MACROD2: variants seen among roughly 807,000 people sequenced by gnomAD.
MACROD2 encodes the protein mono-ADP ribosylhydrolase 2.
A neutral mutation model predicts 70.4 loss-of-function variants in MACROD2; 36 were observed. The observed-to-expected ratio is 0.51, with a 90% CI of 0.39 to 0.68. The LOEUF (loss-of-function observed/expected upper bound fraction) is 0.68, where lower values mean the gene tolerates loss of function less well. Ranked by LOEUF, MACROD2 falls within the 30% of genes least tolerant of loss-of-function variation. The pLI is 0.00. For synonymous variants in MACROD2, 172 were observed against 178.8 expected, an observed-to-expected ratio of 0.96 and a Z score of 0.30; for missense variants, 496 against 538.4, an observed-to-expected ratio of 0.92 and a Z score of 0.78.
rs565723880 is a variant in MACROD2, at chr20:15,750,223, A to T, written c.646-112522A>T. Among the ~76,000 whole-genome samples, 9 of 152,178 alleles carry T rather than the reference A, an allele frequency of 5.9e-5. No individual in the cohort carries two copies. In the South Asian group the frequency reaches 1.9e-3, roughly 32 times the overall value. On this transcript the variant is annotated intron_variant, in intron 8 of 17. Coordinates refer to ENST00000684519, the MANE Select transcript of MACROD2 (RefSeq NM_001351661.2). ...GACATTCCTTAAAAGAAGGCATTCAAATAGCCAATAGGTACATGAAAAAGT... is the reference window on the plus strand; with the variant it reads ...GACATTCCTTAAAAGAAGGCATTCATATAGCCAATAGGTACATGAAAAAGT...
chr20:15,531,453 C>G (rs2047800145), intron 8 of MACROD2, among the ~76,000 whole-genome samples: 1 of 151,944 alleles, frequency 6.6e-6, no homozygotes, highest in Non-Finnish European at 1.5e-5. Context: ...ACACCTGTGT[C>G]ACCTCTAAGA....
intron 5 of MACROD2, among the ~76,000 whole-genome samples, chr20:15,079,197 T>A (rs1467453192): frequency 2.9e-5 from 2 of 69,272 alleles, no homozygotes; most frequent in African/African-American, 4.2e-5. Context: ...CCATCTAGAG[T>A]TAACATTTTT....
intron 6 of MACROD2, among the ~76,000 whole-genome samples, chr20:15,362,469 A>C (rs575193919): frequency 6.6e-6 from 1 of 152,088 alleles, no homozygotes; most frequent in Admixed American, 6.5e-5. Flanking sequence ...GTTCTCCTCT[A>C]TATTCAGTTT....
intron 3 of MACROD2, among the ~76,000 whole-genome samples, chr20:14,409,523 C>G (rs530247468): frequency 6.6e-6 from 1 of 151,972 alleles, no homozygotes; most frequent in Non-Finnish European, 1.5e-5. Flanking sequence ...GCCAAGTAAC[C>G]ATCGATGATG....
chr20:15,102,210 A>T (rs1279934926), intron 5 of MACROD2, among the ~76,000 whole-genome samples: 4 of 152,026 alleles, frequency 2.6e-5, no homozygotes, highest in Non-Finnish European at 5.9e-5. Context: ...CAAATAAAGG[A>T]AAAACGTTCG....
At chr20:14,941,505 C>G (rs1168279621) in intron 5 of MACROD2, among the ~76,000 whole-genome samples, 1 of 152,112 alleles carries the variant, frequency 6.6e-6, no homozygotes, top group Non-Finnish European at 1.5e-5. Flanking sequence ...TTTCTGCACA[C>G]TTGATGCCAG....
At chr20:14,608,366 C>G (rs1982948648) in intron 4 of MACROD2, among the ~76,000 whole-genome samples, 1 of 152,090 alleles carries the variant, frequency 6.6e-6, no homozygotes, top group Non-Finnish European at 1.5e-5. Flanking sequence ...TCTTTTGGCC[C>G]ATAAGTTTTA....
At chr20:15,118,195 A>AT (rs140809606) in intron 5 of MACROD2, among the ~76,000 whole-genome samples, 49,043 of 113,596 alleles carry the variant, frequency 0.43, 9,480 homozygotes, top group African/African-American at 0.54. Context: ...TTTAATTTTA[A>AT]ATTTTTTTTT....
chr20:15,515,385 CA>C (rs2047553633), intron 8 of MACROD2, among the ~76,000 whole-genome samples: 1 of 152,186 alleles, frequency 6.6e-6, no homozygotes, highest in Non-Finnish European at 1.5e-5. Flanking sequence ...GCCTTTGTTG[CA>C]AACACATGGC....
intron 3 of MACROD2, among the ~76,000 whole-genome samples, chr20:14,131,297 C>T (rs976335995): frequency 6.6e-6 from 1 of 151,958 alleles, no homozygotes; most frequent in Non-Finnish European, 1.5e-5. Context: ...AAACATGTTA[C>T]AAATGAAATT....
intron 15 of MACROD2, among the ~76,000 whole-genome samples, chr20:16,000,921 C>T (rs1296350010): frequency 6.6e-6 from 1 of 152,180 alleles, no homozygotes. Context: ...GGAATAGAGG[C>T]TCAACATTTA....
intron 8 of MACROD2, among the ~76,000 whole-genome samples, chr20:15,677,500 C>T (rs998203940): frequency 1.1e-4 from 17 of 152,098 alleles, no homozygotes; most frequent in Admixed American, 2.0e-4. Flanking sequence ...GCTGGGGCAC[C>T]GTGCCTGCTC....
At chr20:14,675,338 A>G (rs2070846577) in intron 4 of MACROD2, among the ~76,000 whole-genome samples, 1 of 152,220 alleles carries the variant, frequency 6.6e-6, no homozygotes, top group Admixed American at 6.5e-5. Flanking sequence ...GAAGCCCATC[A>G]GACTAACAGC....
At chr20:14,176,409 A>G (rs1325603863) in intron 3 of MACROD2, among the ~76,000 whole-genome samples, 2 of 152,232 alleles carry the variant, frequency 1.3e-5, no homozygotes, top group African/African-American at 2.4e-5. Context: ...GATAACTTCT[A>G]CAGATACATA....
chr20:15,676,906 A>G (rs1306810046), intron 8 of MACROD2, among the ~76,000 whole-genome samples: 1 of 152,186 alleles, frequency 6.6e-6, no homozygotes, highest in Non-Finnish European at 1.5e-5. Context: ...GGCAACAACA[A>G]CAACACGTAC....
At chr20:14,830,634 A>G (rs1702956318) in intron 5 of MACROD2, among the ~76,000 whole-genome samples, 1 of 152,154 alleles carries the variant, frequency 6.6e-6, no homozygotes, top group Non-Finnish European at 1.5e-5. Flanking sequence ...GAGAAACCAT[A>G]TTCAAAATGT....
intron 3 of MACROD2, among the ~76,000 whole-genome samples, chr20:14,474,275 G>T (rs1044149129): frequency 5.3e-5 from 8 of 151,994 alleles, no homozygotes; most frequent in Non-Finnish European, 7.4e-5. Flanking sequence ...TGAAGTGTTT[G>T]TTTTCTTCTA....
At chr20:14,215,232 A>G (rs1041896877) in intron 3 of MACROD2, among the ~76,000 whole-genome samples, 2 of 150,650 alleles carry the variant, frequency 1.3e-5, no homozygotes, top group Non-Finnish European at 3.0e-5. Flanking sequence ...TTTCCATCAT[A>G]TATATATTCC....
intron 3 of MACROD2, among the ~76,000 whole-genome samples, chr20:14,444,137 G>T (rs994835820): frequency 6.6e-6 from 1 of 152,064 alleles, no homozygotes; most frequent in African/African-American, 2.4e-5. Flanking sequence ...AATGTTATCA[G>T]GGGATACAGT....
Sources: allele counts gnomAD v4.1 joint callset (sites outside exome capture counted in the v4.1 genomes callset), GRCh38; gene constraint gnomAD v4.1.1; transcripts MANE v1.5; gene names NCBI Gene and HGNC (gene_info 2026-07-23, HGNC 2026-07-21).